Variants in NRIP1 observed in about 807,000 individuals in gnomAD.
NRIP1 encodes the protein nuclear receptor-interacting protein 1.
Under a neutral mutation model 75.0 loss-of-function variants are expected in NRIP1, and 28 were observed. The observed-to-expected ratio is 0.37, with a 90% CI of 0.28 to 0.51. The LOEUF (loss-of-function observed/expected upper bound fraction) is 0.51, where lower values mean the gene tolerates loss of function less well. NRIP1 is among the 20% of genes least tolerant of loss of function. The pLI is 0.92. For synonymous variants in NRIP1, 526 were observed against 487.6 expected (o/e 1.08, Z -1.04); for missense variants, 1,435 against 1,343.7 (o/e 1.07, Z -1.06).
chr21:14,994,288 C>T (rs983693611), intron 3 of NRIP1, among the ~76,000 whole-genome samples: 1 of 152,120 alleles, frequency 6.6e-6, no homozygotes, highest in Non-Finnish European at 1.5e-5. Context: ...CCATGCCTGG[C>T]TAATTTTTGT....
chr21:14,995,442 T>C (rs1429725282), intron 3 of NRIP1, among the ~76,000 whole-genome samples: 1 of 152,214 alleles, frequency 6.6e-6, no homozygotes, highest in African/African-American at 2.4e-5. Context: ...GTCAGTAGCT[T>C]CCAATAAATC....
At chr21:15,008,662 C>T (rs2088031571) in intron 3 of NRIP1, among the ~76,000 whole-genome samples, 1 of 151,996 alleles carries the variant, frequency 6.6e-6, no homozygotes, top group Admixed American at 6.6e-5. Flanking sequence ...AGTCTACAAA[C>T]ACAAAAGCAA....
intron 3 of NRIP1, among the ~76,000 whole-genome samples, chr21:15,001,265 C>T (rs916572859): frequency 9.9e-5 from 15 of 152,092 alleles, no homozygotes; most frequent in African/African-American, 3.1e-4. Flanking sequence ...TGATTGTAAT[C>T]GAAGGATCAG....
chr21:15,021,738 A>G (rs2088381682), intron 2 of NRIP1, among the ~76,000 whole-genome samples: 1 of 152,210 alleles, frequency 6.6e-6, no homozygotes, highest in Non-Finnish European at 1.5e-5. Flanking sequence ...AAAGACATGA[A>G]CAGACAGTTC....
intron 3 of NRIP1, among the ~76,000 whole-genome samples, chr21:14,971,022 G>C (rs1420150540): frequency 6.6e-6 from 1 of 152,298 alleles, no homozygotes; most frequent in African/African-American, 2.4e-5. Context: ...CACAGAGAAA[G>C]TAGATGACAG....
chr21:15,044,128 T>G (rs899073856), intron 1 of NRIP1, among the ~76,000 whole-genome samples: 2 of 152,084 alleles, frequency 1.3e-5, no homozygotes, highest in Non-Finnish European at 2.9e-5. Flanking sequence ...CCACTACTCA[T>G]CTGTTTTTAT....
In NRIP1 at chr21:14,976,468, G is replaced by A. The variant is rs951789623; in HGVS notation, c.-334-7942C>T. 3.3e-5 allele frequency among the ~76,000 whole-genome samples: 5 copies of A among 152,148 alleles called. No homozygotes were observed. The South Asian group carries it at 8.3e-4, about 25-fold the overall frequency. ...ACTTTTTTTTATAAGTATCTGAAAA[G>A]TACAGAACTAAGTGATAGGTAATTT... is the stretch of plus-strand genomic sequence containing the variant. On this transcript the variant is annotated intron_variant, in intron 3 of 3. Coordinates refer to ENST00000318948, the MANE Select transcript of NRIP1 (RefSeq NM_003489.4).
At chr21:15,014,218 G>C in intron 3 of NRIP1, 126 bp downstream of exon 3, 1 of 372,058 alleles carries the variant, frequency 2.7e-6, no homozygotes. Context: ...GAAGTAACTT[G>C]CACAGATGAA....
intron 2 of NRIP1, among the ~76,000 whole-genome samples, chr21:15,016,425 G>C (rs2088230298): frequency 6.6e-6 from 1 of 152,144 alleles, no homozygotes; most frequent in African/African-American, 2.4e-5. Flanking sequence ...AGTCTCTGAA[G>C]TAATACTCAA....
In NRIP1 at chr21:14,966,225, A is replaced by G. The variant is rs2086734782; in HGVS notation, c.1968T>C (p.Thr656=). 4 of 1,613,994 alleles carry G rather than the reference A, an allele frequency of 2.5e-6. No individual in the cohort carries two copies. Among genetic ancestry groups the G allele is most frequent in the Non-Finnish European group, 3.4e-6 (4 of 1,179,954 alleles). The change falls in exon 4 of 4, where the codon ACT becomes ACC. Residue 656 remains threonine, a synonymous_variant. Transcript: ENST00000318948. ...EEQRPSKQLL[T]GNTDKPIGMI... ...TACCTATCGGTTTATCTGTGTTTCC[A>G]GTTAACAGCTGTTTGCTGGGTCTCT...
At chr21:14,970,111 C>A (rs1002967374) in intron 3 of NRIP1, among the ~76,000 whole-genome samples, 1 of 152,182 alleles carries the variant, frequency 6.6e-6, no homozygotes, top group Non-Finnish European at 1.5e-5. Flanking sequence ...TTTCTCCCCC[C>A]TCTGGTTATA....
intron 2 of NRIP1, among the ~76,000 whole-genome samples, chr21:15,035,222 A>T (rs2088804575): frequency 6.6e-6 from 1 of 152,144 alleles, no homozygotes; most frequent in Non-Finnish European, 1.5e-5. Flanking sequence ...TTTGTTTTAA[A>T]TTTTTTTAAA....
chr21:14,975,900 T>C (rs960554041), intron 3 of NRIP1, among the ~76,000 whole-genome samples: 10 of 152,306 alleles, frequency 6.6e-5, no homozygotes, highest in South Asian at 2.1e-4. Context: ...ATATGTACTT[T>C]TGACTTCTAA....
At chr21:14,990,401 A>G (rs1449152337) in intron 3 of NRIP1, among the ~76,000 whole-genome samples, 1 of 152,160 alleles carries the variant, frequency 6.6e-6, no homozygotes, top group Non-Finnish European at 1.5e-5. Flanking sequence ...AGCAATGCAA[A>G]TACTAATGCC....
At chr21:15,016,967 GAAAGA>G (rs1028088758) in intron 2 of NRIP1, among the ~76,000 whole-genome samples, 6 of 150,310 alleles carry the variant, frequency 4.0e-5, no homozygotes, top group African/African-American at 1.5e-4. Flanking sequence ...AAGAAAGAAA[GAAAGA>G]AAAGAGAAAG....
At chr21:14,975,635 A>C (rs1298081569) in intron 3 of NRIP1, among the ~76,000 whole-genome samples, 2 of 146,140 alleles carry the variant, frequency 1.4e-5, no homozygotes, top group African/African-American at 2.7e-5. Context: ...TTAAAAAAAA[A>C]AAAAAAAAAG....
intron 3 of NRIP1, among the ~76,000 whole-genome samples, chr21:15,013,003 T>C (rs1568979412): frequency 6.6e-6 from 1 of 152,150 alleles, no homozygotes; most frequent in Non-Finnish European, 1.5e-5. Flanking sequence ...TTAATTTTAA[T>C]AGAATTAGAA....
chr21:14,972,928 G>A lies in NRIP1; in HGVS notation c.-334-4402C>T, dbSNP rs1314041948. Among the ~76,000 whole-genome samples the A allele has an allele frequency of 2.6e-5, 4 of 152,214 alleles. No individual in the cohort carries two copies. In the East Asian group the frequency reaches 7.7e-4, roughly 29 times the overall value. On this transcript the variant is annotated intron_variant, in intron 3 of 3. Transcript: ENST00000318948. ...CTTGCTGGCCCACTGCTCACCGCCT[G>A]CTGTGTGGCCCAGTTCCTAACAGGC...
At chr21:14,970,371 C>A (rs1042077249) in intron 3 of NRIP1, among the ~76,000 whole-genome samples, 8 of 152,002 alleles carry the variant, frequency 5.3e-5, no homozygotes, top group African/African-American at 1.9e-4. Context: ...AATGGTGAAA[C>A]CCCATCTCTA....
Sources: allele counts gnomAD v4.1 joint callset (sites outside exome capture counted in the v4.1 genomes callset), GRCh38; gene constraint gnomAD v4.1.1; transcripts MANE v1.5; gene names NCBI Gene and HGNC (gene_info 2026-07-23, HGNC 2026-07-21).